The following PSMD1 variants were observed in gnomAD, a reference collection of about 807,000 sequenced individuals.
The protein encoded by PSMD1 is 26S proteasome non-ATPase regulatory subunit 1.
PSMD1 carries 18 observed loss-of-function variants against 119.0 expected under a neutral mutation model. The ratio of observed to expected loss-of-function variants is 0.15; its 90% CI spans 0.10 to 0.22. The LOEUF is 0.22. Among genes scored for constraint, PSMD1 ranks in the 10% least tolerant of loss-of-function variants. The pLI, the probability that PSMD1 is intolerant of heterozygous loss-of-function variation, is 1.00. For missense variants in PSMD1, 702 were observed against 1,158.5 expected, an observed-to-expected ratio of 0.61 and a Z score of 5.72; for synonymous variants, 374 against 396.6, an observed-to-expected ratio of 0.94 and a Z score of 0.68.
chr2:231,150,189 C>CA (rs201310658), intron 18 of PSMD1, among the ~76,000 whole-genome samples: 2,764 of 151,434 alleles, frequency 0.018, 93 homozygotes, highest in African/African-American at 0.063. Context: ...ACTAAAAATA[C>CA]AAAAAAAATT....
intron 20 of PSMD1, chr2:231,163,411 C>T: frequency 2.3e-6 from 1 of 438,726 alleles, no homozygotes; most frequent in South Asian, 4.9e-5. Context: ...TAAAGGGATG[C>T]CCATTCAAAG....
chr2:231,113,991 G>T, intron 16 of PSMD1: 2 of 1,301,450 alleles, frequency 1.5e-6, no homozygotes, highest in Non-Finnish European at 2.2e-6. Flanking sequence ...TCAGTCTACA[G>T]TTTTTCAGGT....
chr2:231,094,683 C>T (rs1417940189), intron 16 of PSMD1, among the ~76,000 whole-genome samples: 5 of 152,152 alleles, frequency 3.3e-5, no homozygotes, highest in Non-Finnish European at 7.3e-5. Flanking sequence ...CCAGAACCGT[C>T]AGTAAAAAGC....
intron 23 of PSMD1, among the ~76,000 whole-genome samples, chr2:231,169,722 T>C (rs1055783114): frequency 6.6e-6 from 1 of 152,216 alleles, no homozygotes; most frequent in African/African-American, 2.4e-5. Context: ...CCTGCCACTG[T>C]TGACTGATTT....
chr2:231,168,767 G>A (rs1022367871), intron 23 of PSMD1, among the ~76,000 whole-genome samples: 5 of 152,166 alleles, frequency 3.3e-5, no homozygotes, highest in African/African-American at 1.2e-4. Context: ...TAAATTGTAC[G>A]CTTTGAGAGA....
chr2:231,157,326 G>A (rs1258967483), intron 19 of PSMD1, among the ~76,000 whole-genome samples: 1 of 150,878 alleles, frequency 6.6e-6, no homozygotes, highest in Non-Finnish European at 1.5e-5. Context: ...AAGAATTAGG[G>A]GAGGATAATT....
chr2:231,082,766 A>T, intron 12 of PSMD1, 117 bp from the exon 13 acceptor site: 1 of 705,760 alleles, frequency 1.4e-6, no homozygotes, highest in Non-Finnish European at 2.4e-6. Flanking sequence ...TCCTTTGATC[A>T]TTCTTACTGA....
Position 231,078,643 on chromosome 2 carries a change from G to T in PSMD1, c.1072-16G>T. 6.3e-7 allele frequency: 1 copy of T among 1,588,764 alleles called. No individual in the cohort carries two copies. Among genetic ancestry groups the T allele is most frequent in the Non-Finnish European group, 8.6e-7 (1 of 1,168,090 alleles). The stretch of plus-strand genomic sequence containing the variant: ...ACTTTGCCAGTGATGAAACAATTCT[G>T]TATTTGTTGTTGCAGGATGCAGTAC... On this transcript the variant is annotated splice_polypyrimidine_tract_variant and intron_variant, in intron 9 of 24. Coordinates refer to ENST00000308696, the MANE Select transcript of PSMD1 (RefSeq NM_002807.4).
Position 231,070,036 on chromosome 2 carries a change from A to G in PSMD1, c.522A>G (p.Pro174=). ...ACTATCTCTTTCAGAATGATGTCCC[A>G]GGAATGTTAGCTTATAGCCTTAAGC... The part of the protein sequence containing the change: ...EKTILESNDV[P]GMLAYSLKLC... The change falls in exon 6 of 25, where the codon CCA becomes CCG. Residue 174 remains proline (P), a synonymous_variant. Coordinates refer to ENST00000308696, the MANE Select transcript of PSMD1 (RefSeq NM_002807.4). 4 of 1,468,800 alleles carry G rather than the reference A, an allele frequency of 2.7e-6. No individual in the cohort carries two copies. Among genetic ancestry groups the G allele is most frequent in the South Asian group, 3.0e-5 (2 of 67,436 alleles). The allele number at this position is 1,468,800 out of a possible 1,614,324, so 91.0% of individuals were successfully genotyped here.
intron 16 of PSMD1, among the ~76,000 whole-genome samples, chr2:231,138,124 G>A (rs756468865): frequency 2.0e-5 from 3 of 152,164 alleles, no homozygotes; most frequent in Non-Finnish European, 2.9e-5. Flanking sequence ...AAAAGATGGG[G>A]TCAGGTATAC....
intron 1 of PSMD1, among the ~76,000 whole-genome samples, chr2:231,058,628 C>A (rs1239702332): frequency 6.6e-6 from 1 of 151,962 alleles, no homozygotes; most frequent in African/African-American, 2.4e-5. Flanking sequence ...AGGTTGGACA[C>A]CCCTGGCATA....
In PSMD1 at chr2:231,129,747, A is replaced by G. The variant is rs141178058; in HGVS notation, c.1884-8989A>G. On this transcript the variant is annotated intron_variant, in intron 16 of 24. Coordinates refer to ENST00000308696, the MANE Select transcript of PSMD1 (RefSeq NM_002807.4). ...CGAAGAACAAAAGTATGTTTGGGAA[A>G]GAAAATTGTTTTCTTTCTCAGCTTT... 1.1e-4 allele frequency among the ~76,000 whole-genome samples: 17 copies of G among 152,372 alleles called. No individual in the cohort carries two copies. In the East Asian group the frequency reaches 3.3e-3, roughly 29 times the overall value.
chr2:231,163,782 GTATTT>G, intron 21 of PSMD1, 55 bp downstream of exon 21: 1 of 1,291,328 alleles, frequency 7.7e-7, no homozygotes, highest in Non-Finnish European at 1.1e-6. Context: ...GAGCCACTGA[GTATTT>G]TACTTTTTCT....
At chr2:231,146,537 A>G (rs1475074249) in intron 18 of PSMD1, among the ~76,000 whole-genome samples, 181 bp downstream of exon 18, 1 of 108,318 alleles carries the variant, frequency 9.2e-6, no homozygotes, top group Non-Finnish European at 1.7e-5. Flanking sequence ...TGCTCTTTAA[A>G]TGTATTTTTT....
At chr2:231,157,086 C>G (rs1696523120) in intron 19 of PSMD1, among the ~76,000 whole-genome samples, 1 of 151,346 alleles carries the variant, frequency 6.6e-6, no homozygotes, top group Non-Finnish European at 1.5e-5. Context: ...TCTTTTTTTT[C>G]TCTTTTAGCT....
chr2:231,165,732 T>C (rs927131522), intron 22 of PSMD1, 139 bp from the exon 23 acceptor site: 12 of 687,470 alleles, frequency 1.7e-5, no homozygotes, highest in African/African-American at 3.6e-5. Flanking sequence ...CTGAGTCTGA[T>C]AGCACTTTAG....
intron 16 of PSMD1, among the ~76,000 whole-genome samples, chr2:231,114,641 C>T (rs17440378): frequency 0.15 from 22,974 of 152,038 alleles, 1,905 homozygotes; most frequent in Non-Finnish European, 0.16. Flanking sequence ...CAGGGTTAGA[C>T]GTAGTACTTA....
intron 16 of PSMD1, among the ~76,000 whole-genome samples, chr2:231,097,346 T>G (rs1373895116): frequency 6.6e-6 from 1 of 152,232 alleles, no homozygotes; most frequent in African/African-American, 2.4e-5. Context: ...AGGGGTCATT[T>G]ACCCTTGAGT....
At position 231,170,838 on chromosome 2, in the gene PSMD1, A is replaced by C. The variant is rs1378703092; in HGVS notation, c.*9+117A>C. On this transcript the variant is annotated intron_variant, in intron 24 of 24. Transcript: ENST00000308696. This position sits in a 1 kb window ranked among gnomAD's most constrained non-coding sequence, Gnocchi z 4.1. ...TTTTGTGTTTAATCCTTATTTACCTAAACAGTATTAAAACTTCCCCGTTTC... is the reference window on the plus strand; with the variant it reads ...TTTTGTGTTTAATCCTTATTTACCTCAACAGTATTAAAACTTCCCCGTTTC... 8.8e-7 allele frequency: 1 copy of C among 1,138,684 alleles called. No homozygotes were observed. The highest frequency in any genetic ancestry group is 1.2e-6 in the Non-Finnish European group (1 of 829,716). 70.5% of individuals were successfully genotyped at this position (1,138,684 alleles called of 1,614,324 possible). A position where few individuals can be genotyped will look rare whatever the true frequency, so the allele number is the denominator to read the frequency against.
Sources: allele counts gnomAD v4.1 joint callset (sites outside exome capture counted in the v4.1 genomes callset), GRCh38; gene constraint gnomAD v4.1.1; non-coding constraint Gnocchi (gnomAD v3.1); transcripts MANE v1.5; gene names NCBI Gene and HGNC (gene_info 2026-07-23, HGNC 2026-07-21).